The following KLK10 variants were observed in gnomAD, a reference collection of about 807,000 sequenced individuals.
The protein encoded by KLK10 is kallikrein related peptidase 10, also known as kallikrein-10.
In KLK10, 27 loss-of-function variants were observed where a neutral mutation model predicts 25.7. The observed-to-expected ratio is 1.05, with a 90% CI of 0.77 to 1.45. The LOEUF (loss-of-function observed/expected upper bound fraction) is 1.45, where lower values mean the gene tolerates loss of function less well. Ranked by LOEUF, KLK10 falls within the 40% of genes most tolerant of loss-of-function variation. KLK10 has a pLI of 0.00. For synonymous variants in KLK10, 173 were observed against 160.1 expected (o/e 1.08, Z -0.61); for missense variants, 386 against 370.0 (o/e 1.04, Z -0.35).
chr19:51,019,250 G>T lies in KLK10; in HGVS notation c.-9-111C>A. On this transcript the variant is annotated intron_variant, in intron 1 of 5. Transcript: ENST00000358789. The surrounding 1 kb of genome is among the most constrained non-coding windows in gnomAD (Gnocchi z 4.2). ...CACCCCAGCCCGCAAGCACCCTTTT[G>T]ACCTGCAGCCGATAACCCCAGGGGC... The T allele has an allele frequency of 1.5e-6, 1 of 684,666 alleles. No homozygotes were observed. The highest frequency in any genetic ancestry group is 2.4e-6 in the Non-Finnish European group (1 of 411,362). 42.4% of individuals were successfully genotyped at this position (684,666 alleles called of 1,614,324 possible).
chr19:51,017,218 C>A lies in KLK10; in HGVS notation c.161G>T (p.Arg54Leu). ...DPEAYGSPCARGSQPWQVSLF... is the reference protein window; with the variant it reads ...DPEAYGSPCALGSQPWQVSLF... Reference sequence around the variant, plus strand: ...CGAGACCTGCCAGGGCTGCGAGCCGCGCGCGCACGGGGAGCCATAGGCTTC... The same window carrying A: ...CGAGACCTGCCAGGGCTGCGAGCCGAGCGCGCACGGGGAGCCATAGGCTTC... The change falls in exon 3 of 6, where the codon CGC becomes CTC. Residue 54 changes from arginine (R) to leucine (L), a missense_variant. Arg to Leu is a moderately radical substitution (Grantham distance 102, BLOSUM62 -2). Coordinates refer to ENST00000358789, the MANE Select transcript of KLK10 (RefSeq NM_145888.3). 1 of 1,612,284 alleles carries A rather than the reference C, an allele frequency of 6.2e-7. No individual in the cohort carries two copies. The highest frequency in any genetic ancestry group is 8.5e-7 in the Non-Finnish European group (1 of 1,179,544).
At chr19:51,015,848 C>G (rs1288952068) in intron 4 of KLK10, 34 bp downstream of exon 4, 2 of 1,477,640 alleles carry the variant, frequency 1.4e-6, no homozygotes, top group East Asian at 4.8e-5. Flanking sequence ...GCCCCCTCCT[C>G]CTGAGGTTCC....
At position 51,012,927 on chromosome 19, in the gene KLK10, C is replaced by T. The variant is rs1374420410; in HGVS notation, c.*1873G>A. 2.6e-5 allele frequency: 4 copies of T among 152,168 alleles called. No homozygotes were observed. The highest frequency in any genetic ancestry group is 5.9e-5 in the Non-Finnish European group (4 of 68,034). The allele number at this position is 152,168 out of a possible 1,614,324, so 9.4% of individuals were successfully genotyped here. The stretch of plus-strand genomic sequence containing the variant: ...TGTAAGACTGGCCTGTCTCCCTGAC[C>T]TAACTAGCAGCTCCTTGAGGGTAGT... On this transcript the variant is annotated 3_prime_UTR_variant, in exon 6 of 6. Coordinates refer to ENST00000358789, the MANE Select transcript of KLK10 (RefSeq NM_145888.3).
intron 2 of KLK10, among the ~76,000 whole-genome samples, chr19:51,018,199 AAGAG>A (rs375213137): frequency 0.032 from 4,038 of 125,244 alleles, 203 homozygotes; most frequent in East Asian, 0.14. Context: ...AGGAAAGAAA[AAGAG>A]AGAGAAAGAA....
chr19:51,017,870 A>T (rs1465138355), intron 2 of KLK10, among the ~76,000 whole-genome samples: 1 of 151,754 alleles, frequency 6.6e-6, no homozygotes, highest in Non-Finnish European at 1.5e-5. Context: ...TCGCGGAGGC[A>T]TGCGCCTGTA....
intron 3 of KLK10, 109 bp downstream of exon 3, chr19:51,017,001 A>T (rs1017178836): frequency 4.9e-5 from 55 of 1,114,678 alleles, no homozygotes; most frequent in Non-Finnish European, 6.4e-5. Flanking sequence ...GACACCGGGG[A>T]CCGCACCTCC....
At position 51,014,692 on chromosome 19, in the gene KLK10, A is replaced by G. The variant is rs1366161508; in HGVS notation, c.*108T>C. 8.8e-7 allele frequency: 1 copy of G among 1,141,956 alleles called. No homozygotes were observed. Among genetic ancestry groups the G allele is most frequent in the Non-Finnish European group, 1.3e-6 (1 of 773,580 alleles). The allele number at this position is 1,141,956 out of a possible 1,614,324, so 70.7% of individuals were successfully genotyped here. On this transcript the variant is annotated 3_prime_UTR_variant, in exon 6 of 6. Coordinates refer to ENST00000358789, the MANE Select transcript of KLK10 (RefSeq NM_145888.3). ...GGCAGAGGTTTGAACAGTGCAGACA[A>G]GGGGAGAGTTCAGCCGACTGGGGAG...
rs751804739 is a variant in KLK10, at chr19:51,016,142, C to A, written c.284G>T (p.Arg95Leu). Reference protein sequence around the residue: ...AHCGNKPLWARVGDDHLLLLQ... With the variant: ...AHCGNKPLWALVGDDHLLLLQ... ...AAGCAGCAGGTGGTCATCCCCTACT[C>A]GAGCCCACAGTGGCCTGGGGGAAGG... The change falls in exon 4 of 6, where the codon CGA becomes CTA. Residue 95 changes from arginine (R) to leucine (L), a missense_variant. Arg to Leu is a moderately radical substitution (Grantham distance 102). Coordinates refer to ENST00000358789, the MANE Select transcript of KLK10 (RefSeq NM_145888.3). The A allele has an allele frequency of 3.2e-6, 5 of 1,584,716 alleles. No homozygotes were observed. In the East Asian group the frequency reaches 6.9e-5, roughly 22 times the overall value.
chr19:51,015,586 G>A (rs2091315668), intron 4 of KLK10, 36 bp from the exon 5 acceptor site: 1 of 1,605,724 alleles, frequency 6.2e-7, no homozygotes, highest in East Asian at 2.2e-5. Flanking sequence ...CCTGGGTCCA[G>A]CCCCCAATCC....
Position 51,014,909 on chromosome 19 carries a change from C to G in KLK10, c.722G>C (p.Gly241Ala). The G allele has an allele frequency of 6.2e-7, 1 of 1,613,976 alleles. No individual in the cohort carries two copies. The highest frequency in any genetic ancestry group is 8.5e-7 in the Non-Finnish European group (1 of 1,179,976). ...GPLVCDETLQ[G>A]ILSWGVYPCG... ...GGGGTAAACACCCCACGAGAGGATG[C>G]CTTGGAGGGTCTCGTCACAGACCAG... Residue 241 changes from glycine (G) to alanine (A), a missense_variant, in exon 6 of 6, where the codon GGC becomes GCC. Coordinates refer to ENST00000358789, the MANE Select transcript of KLK10 (RefSeq NM_145888.3).
In KLK10 at chr19:51,013,308, C is replaced by A. The variant is rs2091286362; in HGVS notation, c.*1492G>T. 6.6e-6 allele frequency: 1 copy of A among 152,214 alleles called. No homozygotes were observed. Among genetic ancestry groups the A allele is most frequent in the Non-Finnish European group, 1.5e-5 (1 of 68,072 alleles). 9.4% of individuals were successfully genotyped at this position (152,214 alleles called of 1,614,324 possible). On this transcript the variant is annotated 3_prime_UTR_variant, in exon 6 of 6. Coordinates refer to ENST00000358789, the MANE Select transcript of KLK10 (RefSeq NM_145888.3). ...TAATAGATGCTCCATAAATTGGTAACTGAAAGGACAAACAAACAAACAAAA... is the reference window on the plus strand; with the variant it reads ...TAATAGATGCTCCATAAATTGGTAAATGAAAGGACAAACAAACAAACAAAA...
At position 51,015,877 on chromosome 19, in the gene KLK10, C is replaced by T. The variant is rs770691156; in HGVS notation, c.544+5G>A. 1.9e-4 allele frequency: 299 copies of T among 1,534,660 alleles called. No individual in the cohort carries two copies. Among genetic ancestry groups the T allele is most frequent in the Non-Finnish European group, 2.6e-4 (294 of 1,143,600 alleles). On this transcript the variant is annotated splice_donor_5th_base_variant and intron_variant, in intron 4 of 5. Coordinates refer to ENST00000358789, the MANE Select transcript of KLK10 (RefSeq NM_145888.3). ...AGGTTCCGGCCTCAGAGCCCCAGCT[C>T]TTGCCTCTCCGGGCGGCCGTGGTGC...
rs1011267697 is a variant in KLK10 at position 51,019,181 on chromosome 19, G to A, written c.-9-42C>T. On this transcript the variant is annotated intron_variant, in intron 1 of 5. Transcript: ENST00000358789. The surrounding 1 kb of genome is among the most constrained non-coding windows in gnomAD (Gnocchi z 4.2). ...AGGGGCGGGTTAAAACAGATGCTCC[G>A]TTAGAGACCCCCACCTCGCCGCGCT... The A allele has an allele frequency of 4.4e-6, 6 of 1,370,938 alleles. No individual in the cohort carries two copies. The South Asian group carries it at 7.5e-5, about 17-fold the overall frequency. The allele number at this position is 1,370,938 out of a possible 1,614,324, so 84.9% of individuals were successfully genotyped here. A position where few individuals can be genotyped will look rare whatever the true frequency, so the allele number is the denominator to read the frequency against.
At chr19:51,018,933 C>T (rs967173192) in intron 2 of KLK10, 110 bp downstream of exon 2, 9 of 829,162 alleles carry the variant, frequency 1.1e-5, no homozygotes, top group Admixed American at 2.1e-5. Flanking sequence ...TGGGTGGGTG[C>T]TGGGGTCTCG....
In KLK10 at chr19:51,016,175, A is replaced by T; in HGVS notation, c.270-19T>A. 2 of 1,552,300 alleles carry T rather than the reference A, an allele frequency of 1.3e-6. No individual in the cohort carries two copies. The highest frequency in any genetic ancestry group is 1.7e-6 in the Non-Finnish European group (2 of 1,149,666). On this transcript the variant is annotated intron_variant, in intron 3 of 5. Transcript: ENST00000358789. The stretch of plus-strand genomic sequence containing the variant: ...CAGTGGCCTGGGGGAAGGAAGAGGC[A>T]TGTGAAGGCAAACCCTTCATAGGGA...
intron 2 of KLK10, among the ~76,000 whole-genome samples, chr19:51,017,617 G>A (rs1182777700): frequency 1.3e-5 from 2 of 151,912 alleles, no homozygotes; most frequent in Non-Finnish European, 2.9e-5. Context: ...AACGCGGCGG[G>A]GAGGTAAGGG....
rs1250726329 is a variant in KLK10 at position 51,016,149 on chromosome 19, A to C, written c.277T>G (p.Trp93Gly). The C allele has an allele frequency of 1.3e-6, 2 of 1,582,436 alleles. No individual in the cohort carries two copies. Among genetic ancestry groups the C allele is most frequent in the Non-Finnish European group, 1.7e-6 (2 of 1,164,412 alleles). ...AGGTGGTCATCCCCTACTCGAGCCC[A>C]CAGTGGCCTGGGGGAAGGAAGAGGC... is the stretch of plus-strand genomic sequence containing the variant. ...TAAHCGNKPL[W>G]ARVGDDHLLL... Residue 93 changes from tryptophan to glycine, a missense_variant, in exon 4 of 6, where the codon TGG (tryptophan) becomes GGG (glycine). Coordinates refer to ENST00000358789, the MANE Select transcript of KLK10 (RefSeq NM_145888.3).
At chr19:51,016,770 C>T (rs1017465174) in intron 3 of KLK10, among the ~76,000 whole-genome samples, 1 of 152,012 alleles carries the variant, frequency 6.6e-6, no homozygotes, top group Non-Finnish European at 1.5e-5. Flanking sequence ...TAATACCCAA[C>T]CCTTCCTCCT....
chr19:51,015,965 C>T lies in KLK10; in HGVS notation c.461G>A (p.Arg154Gln), dbSNP rs368169037. The stretch of plus-strand genomic sequence containing the variant: ...ACAGCGGTAGGGAAGCTGCAGGGCC[C>T]GGACGCGGGGCCCCAGCACTACGGG... Reference protein sequence around the residue: ...ARPVVLGPRVRALQLPYRCAQ... With the variant: ...ARPVVLGPRVQALQLPYRCAQ... The change falls in exon 4 of 6, where the codon CGG (arginine) becomes CAG (glutamine). Residue 154 changes from arginine (R) to glutamine (Q), a missense_variant. Transcript: ENST00000358789. 67 of 1,583,216 alleles carry T rather than the reference C, an allele frequency of 4.2e-5. No individual in the cohort carries two copies. Among genetic ancestry groups the T allele is most frequent in the Non-Finnish European group, 5.3e-5 (62 of 1,165,988 alleles).
Sources: allele counts gnomAD v4.1 joint callset (sites outside exome capture counted in the v4.1 genomes callset), GRCh38; gene constraint gnomAD v4.1.1; non-coding constraint Gnocchi (gnomAD v3.1); transcripts MANE v1.5; gene names NCBI Gene and HGNC (gene_info 2026-07-23, HGNC 2026-07-21).